The following FBXL7 variants were observed in gnomAD, a reference collection of about 807,000 sequenced individuals.
FBXL7 encodes F-box/LRR-repeat protein 7.
FBXL7 carries 12 observed loss-of-function variants against 38.3 expected under a neutral mutation model. The observed-to-expected ratio is 0.31, with a 90% confidence interval of 0.20 to 0.51. The LOEUF is 0.51. Among genes scored for constraint, FBXL7 ranks in the 20% least tolerant of loss-of-function variants. The pLI is 0.98. For missense variants in FBXL7, 567 were observed against 676.4 expected (o/e 0.84, Z 1.79); for synonymous variants, 297 against 300.9 (o/e 0.99, Z 0.13).
intron 2 of FBXL7, among the ~76,000 whole-genome samples, chr5:15,643,337 A>G (rs1328487024): frequency 6.6e-6 from 1 of 152,200 alleles, no homozygotes; most frequent in Non-Finnish European, 1.5e-5. Flanking sequence ...AGCCAATAAA[A>G]TATAGCCAGG....
intron 2 of FBXL7, among the ~76,000 whole-genome samples, chr5:15,810,036 A>G (rs1290073882): frequency 6.6e-6 from 1 of 152,192 alleles, no homozygotes; most frequent in African/African-American, 2.4e-5. Context: ...ACTCTAATCT[A>G]TTTTGGTGGG....
intron 2 of FBXL7, among the ~76,000 whole-genome samples, chr5:15,754,125 G>T (rs1032091842): frequency 2.0e-5 from 3 of 152,286 alleles, no homozygotes; most frequent in Admixed American, 1.3e-4. Context: ...ATGGTCCCAG[G>T]TGATAATGAT....
intron 2 of FBXL7, among the ~76,000 whole-genome samples, chr5:15,714,964 C>G (rs557632083): frequency 6.6e-6 from 1 of 151,808 alleles, no homozygotes; most frequent in East Asian, 1.9e-4. Context: ...GGCCACAAAC[C>G]AAAGAATGCA....
At chr5:15,520,613 C>T (rs1309235877) in intron 1 of FBXL7, among the ~76,000 whole-genome samples, 1 of 152,040 alleles carries the variant, frequency 6.6e-6, no homozygotes, top group African/African-American at 2.4e-5. Flanking sequence ...CTTCCAAAAT[C>T]GAAAAAGATA....
chr5:15,714,061 G>A (rs1579400460), intron 2 of FBXL7, among the ~76,000 whole-genome samples: 1 of 152,310 alleles, frequency 6.6e-6, no homozygotes, highest in African/African-American at 2.4e-5. Flanking sequence ...TGGACCTTGA[G>A]ATGGGGAGAA....
At position 15,590,853 on chromosome 5, in the gene FBXL7, A is replaced by G. The variant is rs201280926; in HGVS notation, c.38-25130A>G. Among the ~76,000 whole-genome samples the G allele has an allele frequency of 5.3e-5, 8 of 152,188 alleles. No homozygotes were observed. In the East Asian group the frequency reaches 1.2e-3, roughly 22 times the overall value. ...AGATCAATATAAATTACTGAGTCAC[A>G]TAGCTTTATTGGGGAAAATGCTTCT... On this transcript the variant is annotated intron_variant, in intron 1 of 3. Transcript: ENST00000504595.
chr5:15,811,078 T>G (rs1737847840), intron 2 of FBXL7, among the ~76,000 whole-genome samples: 1 of 152,194 alleles, frequency 6.6e-6, no homozygotes, highest in African/African-American at 2.4e-5. Context: ...TTACAGTTAC[T>G]AACCATCCTA....
At position 15,500,387 on chromosome 5, in the gene FBXL7, C is replaced by T. The variant is rs1264604627; in HGVS notation, c.-290C>T. On this transcript the variant is annotated 5_prime_UTR_variant, in exon 1 of 4. Transcript: ENST00000504595. Reference sequence around the variant, plus strand: ...GGCGGCGCGGTGAGCCTCTGGGCGGCCCCGGGGCGCGGGCTGTGCGCGGCG... The same window carrying T: ...GGCGGCGCGGTGAGCCTCTGGGCGGTCCCGGGGCGCGGGCTGTGCGCGGCG... 7.5e-5 allele frequency: 16 copies of T among 214,172 alleles called. No homozygotes were observed. Among genetic ancestry groups the T allele is most frequent in the African/African-American group, 1.7e-4 (7 of 42,290 alleles). 13.3% of individuals were successfully genotyped at this position (214,172 alleles called of 1,614,324 possible). A position where few individuals can be genotyped will look rare whatever the true frequency, so the allele number is the denominator to read the frequency against.
intron 2 of FBXL7, among the ~76,000 whole-genome samples, chr5:15,782,526 T>C (rs1165521704): frequency 6.6e-6 from 1 of 152,172 alleles, no homozygotes; most frequent in Non-Finnish European, 1.5e-5. Flanking sequence ...TTCTAACTGG[T>C]GTGAGATGGT....
At chr5:15,850,008 A>T (rs1239812403) in intron 2 of FBXL7, among the ~76,000 whole-genome samples, 1 of 152,080 alleles carries the variant, frequency 6.6e-6, no homozygotes, top group Non-Finnish European at 1.5e-5. Flanking sequence ...TAGGACTTGA[A>T]CCCAGTCTAT....
chr5:15,602,899 T>C (rs187292235), intron 1 of FBXL7, among the ~76,000 whole-genome samples: 3 of 152,322 alleles, frequency 2.0e-5, no homozygotes, highest in East Asian at 1.9e-4. Context: ...AGTGGCACCA[T>C]CATGGCTCAC....
intron 2 of FBXL7, among the ~76,000 whole-genome samples, chr5:15,698,603 G>A (rs1743419245): frequency 6.6e-6 from 1 of 152,134 alleles, no homozygotes; most frequent in Admixed American, 6.5e-5. Context: ...GACAGTCTTA[G>A]GTTGTCTCCA....
At chr5:15,728,760 A>G (rs1735490884) in intron 2 of FBXL7, among the ~76,000 whole-genome samples, 1 of 152,168 alleles carries the variant, frequency 6.6e-6, no homozygotes, top group Non-Finnish European at 1.5e-5. Flanking sequence ...TGTCATCCTC[A>G]TAATATGTCC....
At chr5:15,869,449 A>AG (rs1177895888) in intron 2 of FBXL7, among the ~76,000 whole-genome samples, 2 of 152,152 alleles carry the variant, frequency 1.3e-5, no homozygotes, top group East Asian at 3.9e-4. Flanking sequence ...TGTAATTATC[A>AG]GGGGCACTTC....
intron 1 of FBXL7, among the ~76,000 whole-genome samples, chr5:15,589,993 A>G (rs890437964): frequency 6.6e-6 from 1 of 152,196 alleles, no homozygotes; most frequent in Admixed American, 6.5e-5. Context: ...TTGGGACTTC[A>G]TTCACCATCC....
chr5:15,869,123 A>T (rs1739843942), intron 2 of FBXL7, among the ~76,000 whole-genome samples: 1 of 152,184 alleles, frequency 6.6e-6, no homozygotes, highest in Admixed American at 6.5e-5. Context: ...TAAGCTTCTC[A>T]TTAAAATGGA....
intron 2 of FBXL7, among the ~76,000 whole-genome samples, chr5:15,857,564 C>T (rs1279914703): frequency 6.6e-6 from 1 of 152,092 alleles, no homozygotes; most frequent in African/African-American, 2.4e-5. Flanking sequence ...AAGAGGTATT[C>T]CAACAAAGTC....
intron 2 of FBXL7, among the ~76,000 whole-genome samples, chr5:15,864,532 G>A (rs1739622534): frequency 6.6e-6 from 1 of 152,212 alleles, no homozygotes; most frequent in African/African-American, 2.4e-5. Flanking sequence ...ATCACTGATG[G>A]TCTATTGACT....
At chr5:15,925,374 G>A (rs975841737) in intron 2 of FBXL7, among the ~76,000 whole-genome samples, 1 of 152,208 alleles carries the variant, frequency 6.6e-6, no homozygotes, top group African/African-American at 2.4e-5. Flanking sequence ...AACATGGGAG[G>A]TTGGGGCAGC....
Sources: allele counts gnomAD v4.1 joint callset (sites outside exome capture counted in the v4.1 genomes callset), GRCh38; gene constraint gnomAD v4.1.1; transcripts MANE v1.5; gene names NCBI Gene and HGNC (gene_info 2026-07-23, HGNC 2026-07-21).